Variants in SSUH2 observed in about 807,000 individuals in gnomAD.
The protein encoded by SSUH2 is protein SSUH2 homolog.
Under a neutral mutation model 55.3 loss-of-function variants are expected in SSUH2, and 47 were observed. The ratio of observed to expected loss-of-function variants is 0.85; its 90% CI spans 0.67 to 1.08. The LOEUF (loss-of-function observed/expected upper bound fraction) is 1.08, where lower values mean the gene tolerates loss of function less well. Among genes scored for constraint, SSUH2 ranks in the 50% least tolerant of loss-of-function variants. The pLI is 0.00. For synonymous variants in SSUH2, 212 were observed against 191.5 expected, an observed-to-expected ratio of 1.11 and a Z score of -0.89; for missense variants, 535 against 490.7, an observed-to-expected ratio of 1.09 and a Z score of -0.85.
Position 8,623,544 on chromosome 3 carries a change from C to T in SSUH2, c.981+5G>A. ...GAGCCAGATGGCCCCTCCGCCCTGGCTCACCTGCTGCAGGACGCGGGCACG... is the reference window on the plus strand; with the variant it reads ...GAGCCAGATGGCCCCTCCGCCCTGGTTCACCTGCTGCAGGACGCGGGCACG... On this transcript the variant is annotated splice_donor_5th_base_variant and intron_variant, in intron 11 of 11. Coordinates refer to ENST00000544814, the MANE Select transcript of SSUH2 (RefSeq NM_001256748.3). The T allele has an allele frequency of 1.3e-6, 2 of 1,539,180 alleles. No individual in the cohort carries two copies. Among genetic ancestry groups the T allele is most frequent in the Non-Finnish European group, 1.8e-6 (2 of 1,135,922 alleles).
Position 8,677,664 on chromosome 3 carries a change from G to A in SSUH2, c.-900-311C>T, listed in dbSNP as rs35110804. 3.4e-3 allele frequency among the ~76,000 whole-genome samples: 511 copies of A among 150,980 alleles called. 40 individuals carry two copies. Among genetic ancestry groups the A allele is most frequent in the Admixed American group, 0.022 (339 of 15,222 alleles). The stretch of plus-strand genomic sequence containing the variant: ...GCCCTGGCTGAGGCCGGTGGCCTAC[G>A]TCTCTAAACAACTAGACAGGGTTTC... On this transcript the variant is annotated intron_variant, in intron 2 of 18. Transcript: ENST00000317371.
At position 8,629,703 on chromosome 3, in the gene SSUH2, A is replaced by G; in HGVS notation, c.549T>C (p.Arg183=). 1 of 1,614,024 alleles carries G rather than the reference A, an allele frequency of 6.2e-7. No homozygotes were observed. Among genetic ancestry groups the G allele is most frequent in the Non-Finnish European group, 8.5e-7 (1 of 1,179,996 alleles). The change falls in exon 7 of 12, where the codon CGT becomes CGC. Residue 183 remains arginine (R), a synonymous_variant. Coordinates refer to ENST00000544814, the MANE Select transcript of SSUH2 (RefSeq NM_001256748.3). ...GGCAGCCGCTGCACTTGTACCGCCC[A>G]CGCCCATGGCATTTGTGGCATTCCT... ...LVKECHKCHG[R]GRYKCSGCHG...
chr3:8,635,916 T>G, intron 1 of SSUH2, 59 bp from the exon 2 acceptor site: 1 of 1,426,212 alleles, frequency 7.0e-7, no homozygotes, highest in South Asian at 1.3e-5. Flanking sequence ...GATGAGGGCT[T>G]CACAGGAAGT....
intron 1 of SSUH2, among the ~76,000 whole-genome samples, chr3:8,640,578 A>C (rs1448889201): frequency 6.6e-6 from 1 of 152,214 alleles, no homozygotes; most frequent in African/African-American, 2.4e-5. Context: ...AAGGTAAGGC[A>C]GCTAACTGTG....
chr3:8,642,589 TGAG>T (rs1701038827), intron 1 of SSUH2, among the ~76,000 whole-genome samples: 1 of 152,232 alleles, frequency 6.6e-6, no homozygotes, highest in Non-Finnish European at 1.5e-5. Flanking sequence ...AAGGCCTCCT[TGAG>T]GAGATTTGCA....
At chr3:8,671,446 G>A (rs1200794561) in intron 4 of SSUH2, among the ~76,000 whole-genome samples, 4 of 152,000 alleles carry the variant, frequency 2.6e-5, no homozygotes, top group East Asian at 3.9e-4. Flanking sequence ...CAAACCCTGT[G>A]ACATAAGAGG....
At chr3:8,644,039 G>A (rs776504200) in intron 1 of SSUH2, among the ~76,000 whole-genome samples, 1 of 150,900 alleles carries the variant, frequency 6.6e-6, no homozygotes, top group Non-Finnish European at 1.5e-5. Flanking sequence ...TTTCAAATTC[G>A]GATTCAAAAA....
chr3:8,678,190 AC>A (rs1452401092), intron 2 of SSUH2, among the ~76,000 whole-genome samples: 1 of 150,928 alleles, frequency 6.6e-6, no homozygotes, highest in African/African-American at 2.4e-5. Context: ...AAGTCATATC[AC>A]CCCCTCCGCC....
At chr3:8,662,958 G>A (rs949597669) in intron 6 of SSUH2, among the ~76,000 whole-genome samples, 3 of 152,314 alleles carry the variant, frequency 2.0e-5, no homozygotes, top group South Asian at 2.1e-4. Flanking sequence ...AGGCCATATC[G>A]ATGCTACTAT....
intron 2 of SSUH2, among the ~76,000 whole-genome samples, chr3:8,678,458 C>T (rs563950203): frequency 6.6e-6 from 1 of 151,310 alleles, no homozygotes; most frequent in East Asian, 1.9e-4. Flanking sequence ...CCGCCTCTAT[C>T]CCCCCCTGGC....
intron 7 of SSUH2, among the ~76,000 whole-genome samples, chr3:8,655,424 GC>G (rs1414254768): frequency 7.2e-6 from 1 of 138,656 alleles, no homozygotes; most frequent in Non-Finnish European, 1.6e-5. Flanking sequence ...TCAGTGTGTG[GC>G]CTCCTCAAGA....
intron 1 of SSUH2, among the ~76,000 whole-genome samples, chr3:8,681,293 C>A (rs773191334): frequency 6.6e-6 from 1 of 150,802 alleles, no homozygotes; most frequent in Non-Finnish European, 1.5e-5. Flanking sequence ...CCTCTTCCCT[C>A]CCTGGATCTT....
chr3:8,647,750 G>A (rs74576415), upstream of SSUH2, among the ~76,000 whole-genome samples: 6 of 152,098 alleles, frequency 3.9e-5, no homozygotes, highest in African/African-American at 9.7e-5. Context: ...CAACCCAACC[G>A]AACCCAGAGC....
chr3:8,656,372 C>A (rs1444548383), intron 7 of SSUH2, among the ~76,000 whole-genome samples: 1 of 152,250 alleles, frequency 6.6e-6, no homozygotes, highest in African/African-American at 2.4e-5. Flanking sequence ...TGGAACCTCG[C>A]TGCTGCCCGC....
At chr3:8,666,519 C>G (rs58351464) in intron 5 of SSUH2, among the ~76,000 whole-genome samples, 43,709 of 151,948 alleles carry the variant, frequency 0.29, 7,403 homozygotes, top group African/African-American at 0.47. Context: ...CCAGCCAGGG[C>G]ACCATTTCTG....
chr3:8,646,219 T>C (rs1415830057), upstream of SSUH2, among the ~76,000 whole-genome samples: 2 of 152,230 alleles, frequency 1.3e-5, no homozygotes, highest in Admixed American at 1.3e-4. Context: ...TTTAGGTGTG[T>C]GTTTGCATGT....
rs574868453 is a variant in SSUH2, at chr3:8,629,342, TAAG to T, written c.588+319_588+321del. On this transcript the variant is annotated intron_variant, in intron 7 of 11. Transcript: ENST00000544814. Reference sequence around the variant, plus strand: ...TCCCTGGCTGACAAAGACTGCCTGGTAAGAAGAACCCCAGGTCTTGGCCCTCTT... The same window carrying T: ...TCCCTGGCTGACAAAGACTGCCTGGTAAGAACCCCAGGTCTTGGCCCTCTT... 222 of 329,352 alleles carry T rather than the reference TAAG, an allele frequency of 6.7e-4. 3 individuals carry two copies. The highest frequency in any genetic ancestry group is 4.3e-3 in the African/African-American group (206 of 47,592). The allele number at this position is 329,352 out of a possible 1,614,324, so 20.4% of individuals were successfully genotyped here. A position where few individuals can be genotyped will look rare whatever the true frequency, so the allele number is the denominator to read the frequency against.
intron 1 of SSUH2, among the ~76,000 whole-genome samples, chr3:8,681,313 A>G (rs1705930520): frequency 3.5e-5 from 5 of 142,708 alleles, no homozygotes; most frequent in South Asian, 2.3e-4. Context: ...TTGGACCACC[A>G]TCGCGGGGGT....
chr3:8,634,545 A>T, intron 3 of SSUH2: 3 of 1,289,778 alleles, frequency 2.3e-6, no homozygotes, highest in Non-Finnish European at 3.0e-6. Context: ...GCCCTGGCAC[A>T]CAGAGGGGCC....
Sources: gnomAD v4.1 joint callset for allele counts (sites outside exome capture counted in the v4.1 genomes callset) on GRCh38, gnomAD v4.1.1 for gene constraint, MANE v1.5 for transcripts, NCBI Gene and HGNC (gene_info 2026-07-23, HGNC 2026-07-21) for gene names.